Variants in GLT6D1 observed in about 807,000 individuals in gnomAD.
GLT6D1 encodes the protein putative glycosyltransferase 6 domain-containing protein 1.
In GLT6D1, 9 loss-of-function variants were observed where a neutral mutation model predicts 12.3. That is an observed-to-expected ratio of 0.73 (90% CI 0.44 to 1.27). The LOEUF (loss-of-function observed/expected upper bound fraction) is 1.27, where lower values mean the gene tolerates loss of function less well. Among genes scored for constraint, GLT6D1 ranks in the 50% most tolerant of loss-of-function variants. The pLI is 0.00. For missense variants in GLT6D1, 335 were observed against 346.2 expected, an observed-to-expected ratio of 0.97 and a Z score of 0.26; for synonymous variants, 128 against 132.3, an observed-to-expected ratio of 0.97 and a Z score of 0.23.
At chr9:135,640,751 GA>G (rs1833876464), upstream of GLT6D1, among the ~76,000 whole-genome samples, 1 of 151,876 alleles carries the variant, frequency 6.6e-6, no homozygotes, top group Non-Finnish European at 1.5e-5. Flanking sequence ...GAGAAAGAAA[GA>G]AAATGTGGCT....
Position 135,639,274 on chromosome 9 carries a change from A to G in GLT6D1, c.-7+19T>C, listed in dbSNP as rs1833844417. The G allele has an allele frequency of 4.0e-6, 3 of 751,200 alleles. No individual in the cohort carries two copies. Among genetic ancestry groups the G allele is most frequent in the East Asian group, 2.8e-5 (1 of 36,054 alleles). 46.5% of individuals were successfully genotyped at this position (751,200 alleles called of 1,614,324 possible). ...TCATCATCTAACAATGGGTTAATGT[A>G]TGGGCATTGGACACCAACCTTAGAG... On this transcript the variant is annotated intron_variant, in intron 1 of 4. Coordinates refer to ENST00000371763, the MANE Select transcript of GLT6D1 (RefSeq NM_182974.3).
In GLT6D1 at chr9:135,624,574, G is replaced by A. The variant is rs200428393; in HGVS notation, c.354C>T (p.Phe118=). 4 of 1,613,778 alleles carry A rather than the reference G, an allele frequency of 2.5e-6. No homozygotes were observed. In the East Asian group the frequency reaches 6.7e-5, roughly 27 times the overall value. Residue 118 remains phenylalanine, a synonymous_variant, in exon 5 of 5, where the codon TTC becomes TTT. Transcript: ENST00000371763. ...RVIFYIMVDA[F]FKLPDIEPSP... Reference sequence around the variant, plus strand: ...TGGGCTCTATGTCAGGCAGCTTGAAGAAGGCGTCCACCATGATGTAGAAGA... The same window carrying A: ...TGGGCTCTATGTCAGGCAGCTTGAAAAAGGCGTCCACCATGATGTAGAAGA...
intron 2 of GLT6D1, among the ~76,000 whole-genome samples, chr9:135,634,175 C>A (rs764753096): frequency 1.3e-5 from 2 of 152,192 alleles, no homozygotes; most frequent in Non-Finnish European, 2.9e-5. Flanking sequence ...GTCTCCCAGG[C>A]TGGAGTGCAG....
intron 3 of GLT6D1, among the ~76,000 whole-genome samples, chr9:135,630,871 G>T (rs1488124429): frequency 2.0e-5 from 3 of 151,840 alleles, no homozygotes; most frequent in Non-Finnish European, 4.4e-5. Context: ...ATTATTAAAA[G>T]TAAATTTAGC....
At chr9:135,636,352 TCAAAA>T (rs1490274736) in intron 2 of GLT6D1, among the ~76,000 whole-genome samples, 1 of 151,984 alleles carries the variant, frequency 6.6e-6, no homozygotes, top group Non-Finnish European at 1.5e-5. Flanking sequence ...AGACTCTGTC[TCAAAA>T]CAAAACAAAA....
intron 2 of GLT6D1, among the ~76,000 whole-genome samples, chr9:135,636,540 T>C (rs1254520200): frequency 6.6e-6 from 1 of 152,202 alleles, no homozygotes; most frequent in Admixed American, 6.5e-5. Flanking sequence ...CATATGTTAA[T>C]TTCACTCTTC....
chr9:135,633,654 AGGACATACT>A (rs1833700033), intron 2 of GLT6D1, among the ~76,000 whole-genome samples: 1 of 152,196 alleles, frequency 6.6e-6, no homozygotes, highest in Non-Finnish European at 1.5e-5. Context: ...ACTATTGCAT[AGGACATACT>A]TCTGCTAAAA....
upstream of GLT6D1, among the ~76,000 whole-genome samples, chr9:135,641,008 A>T (rs2119160616): frequency 6.6e-6 from 1 of 152,258 alleles, no homozygotes; most frequent in East Asian, 1.9e-4. Flanking sequence ...CCTGTCTGTC[A>T]ATATCTTTCT....
chr9:135,631,143 G>A (rs1833636195), intron 3 of GLT6D1, among the ~76,000 whole-genome samples: 1 of 152,180 alleles, frequency 6.6e-6, no homozygotes, highest in South Asian at 2.1e-4. Flanking sequence ...CCAAAGTCAA[G>A]CAGCGTCATC....
At chr9:135,638,910 T>G (rs767535176) in intron 2 of GLT6D1, among the ~76,000 whole-genome samples, 1 of 152,142 alleles carries the variant, frequency 6.6e-6, no homozygotes, top group Non-Finnish European at 1.5e-5. Flanking sequence ...CATGTGCCTG[T>G]AGTCCCAGCT....
chr9:135,639,010 C>A lies in GLT6D1; in HGVS notation c.71+107G>T. 8.0e-6 allele frequency: 5 copies of A among 621,458 alleles called. No homozygotes were observed. The South Asian group carries it at 9.3e-5, about 12-fold the overall frequency. 38.5% of individuals were successfully genotyped at this position (621,458 alleles called of 1,614,324 possible). ...TGGCACCACTGCACTCCAGCCTGGG[C>A]AACAGAGTAAGACCCTGTCTCAAAA... is the stretch of plus-strand genomic sequence containing the variant. On this transcript the variant is annotated intron_variant, in intron 2 of 4. Coordinates refer to ENST00000371763, the MANE Select transcript of GLT6D1 (RefSeq NM_182974.3).
chr9:135,630,362 C>T (rs953122851), intron 3 of GLT6D1, among the ~76,000 whole-genome samples: 11 of 146,400 alleles, frequency 7.5e-5, no homozygotes, highest in Middle Eastern at 3.7e-3. Context: ...GCCGAGATCA[C>T]GCCATGCACC....
intron 3 of GLT6D1, among the ~76,000 whole-genome samples, chr9:135,630,089 C>T (rs1833604956): frequency 6.6e-6 from 1 of 152,068 alleles, no homozygotes; most frequent in African/African-American, 2.4e-5. Flanking sequence ...TGTAATAAAA[C>T]TCGACATTTT....
chr9:135,626,300 A>G, intron 3 of GLT6D1, 94 bp from the exon 4 acceptor site: 2 of 1,349,586 alleles, frequency 1.5e-6, no homozygotes, highest in Non-Finnish European at 2.1e-6. Context: ...GAGAGCACCT[A>G]GTGCGCGCCC....
chr9:135,623,776 A>G lies in GLT6D1; in HGVS notation c.*321T>C, dbSNP rs1338883598. 2 of 212,328 alleles carry G rather than the reference A, an allele frequency of 9.4e-6. No homozygotes were observed. The highest frequency in any genetic ancestry group is 1.1e-4 in the South Asian group (1 of 9,014). 13.2% of individuals were successfully genotyped at this position (212,328 alleles called of 1,614,324 possible). A position where few individuals can be genotyped will look rare whatever the true frequency, so the allele number is the denominator to read the frequency against. ...TGTCAAATGTATTTTCACATTGTCT[A>G]CAATACATAGATAATAACATTACTG... On this transcript the variant is annotated 3_prime_UTR_variant, in exon 5 of 5. Transcript: ENST00000371763.
At chr9:135,633,474 C>G (rs1249783015) in intron 2 of GLT6D1, among the ~76,000 whole-genome samples, 1 of 152,040 alleles carries the variant, frequency 6.6e-6, no homozygotes, top group Non-Finnish European at 1.5e-5. Flanking sequence ...AGGCTGGTCT[C>G]AAACTCCTGA....
chr9:135,631,713 T>C (rs1051937803), intron 2 of GLT6D1, among the ~76,000 whole-genome samples: 34 of 151,986 alleles, frequency 2.2e-4, no homozygotes, highest in African/African-American at 8.0e-4. Flanking sequence ...GGAAAGAGTA[T>C]GAGTGTTGGG....
rs745777856 is a variant in GLT6D1, at chr9:135,639,172, T to C, written c.16A>G (p.Met6Val). 1 of 1,582,350 alleles carries C rather than the reference T, an allele frequency of 6.3e-7. No individual in the cohort carries two copies. Among genetic ancestry groups the C allele is most frequent in the South Asian group, 1.1e-5 (1 of 89,718 alleles). The change falls in exon 2 of 5, where the codon ATG becomes GTG. Residue 6 changes from methionine (M) to valine (V), a missense_variant. Met to Val is a conservative substitution (Grantham distance 21). Transcript: ENST00000371763. MNSKR[M>V]LLLVLFAFSL... ...AAAGCAAATAAAACCAATAACAGCA[T>C]TCTTTTAGAATTCATTCTCTCCTAG... is the stretch of plus-strand genomic sequence containing the variant.
At chr9:135,635,442 G>A (rs1032685447) in intron 2 of GLT6D1, among the ~76,000 whole-genome samples, 10 of 152,196 alleles carry the variant, frequency 6.6e-5, no homozygotes, top group Non-Finnish European at 1.2e-4. Flanking sequence ...CTGGAGAATG[G>A]TGCCAGAAAC....
Sources: gnomAD v4.1 joint callset for allele counts (sites outside exome capture counted in the v4.1 genomes callset) on GRCh38, gnomAD v4.1.1 for gene constraint, MANE v1.5 for transcripts, NCBI Gene and HGNC (gene_info 2026-07-23, HGNC 2026-07-21) for gene names.